The following FER variants were observed in gnomAD, a reference collection of about 807,000 sequenced individuals.
FER encodes FER tyrosine kinase, also known as tyrosine-protein kinase Fer.
In FER, 63 loss-of-function variants were observed where a neutral mutation model predicts 111.0. The ratio of observed to expected loss-of-function variants is 0.57; its 90% confidence interval spans 0.46 to 0.70. The LOEUF (loss-of-function observed/expected upper bound fraction) is 0.70. FER is among the 30% of genes least tolerant of loss of function. FER has a pLI of 0.00. For synonymous variants in FER, 327 were observed against 313.9 expected, an observed-to-expected ratio of 1.04 and a Z score of -0.44; for missense variants, 914 against 954.0, an observed-to-expected ratio of 0.96 and a Z score of 0.55.
intron 2 of FER, among the ~76,000 whole-genome samples, chr5:108,770,240 G>A (rs560951550): frequency 6.6e-6 from 1 of 152,132 alleles, no homozygotes; most frequent in African/African-American, 2.4e-5. Context: ...GAGCCACTGC[G>A]CCTGGCCTTG....
At chr5:108,894,798 G>A (rs542291347) in intron 9 of FER, among the ~76,000 whole-genome samples, 1 of 152,134 alleles carries the variant, frequency 6.6e-6, no homozygotes, top group African/African-American at 2.4e-5. Context: ...GCATGTGCAG[G>A]GGATCCCCCT....
intron 10 of FER, among the ~76,000 whole-genome samples, chr5:108,940,168 G>A (rs541974499): frequency 2.0e-5 from 3 of 152,166 alleles, no homozygotes; most frequent in Non-Finnish European, 4.4e-5. Context: ...GAGGAATGTA[G>A]CCTTTAACTG....
At chr5:109,173,781 A>G (rs1163873106) in intron 17 of FER, among the ~76,000 whole-genome samples, 3 of 140,704 alleles carry the variant, frequency 2.1e-5, no homozygotes, top group East Asian at 2.4e-4. Context: ...AGTAACATAC[A>G]TGCATTTTAA....
intron 5 of FER, among the ~76,000 whole-genome samples, chr5:108,852,327 C>A (rs1382669721): frequency 1.3e-5 from 2 of 152,110 alleles, no homozygotes; most frequent in Admixed American, 6.5e-5. Context: ...ATTATGAAAA[C>A]CAGTTTGAAA....
intron 10 of FER, among the ~76,000 whole-genome samples, chr5:108,901,932 C>A (rs1209993393): frequency 6.6e-6 from 1 of 152,156 alleles, no homozygotes; most frequent in African/African-American, 2.4e-5. Flanking sequence ...GCCTGGGTGA[C>A]AGAGTGAGAG....
intron 13 of FER, among the ~76,000 whole-genome samples, chr5:109,030,845 C>CT (rs981689347): frequency 2.6e-5 from 4 of 152,036 alleles, no homozygotes; most frequent in East Asian, 1.9e-4. Flanking sequence ...CAGGATAGGT[C>CT]TTTTTTTTGT....
At chr5:108,935,033 TA>T (rs1276073033) in intron 10 of FER, among the ~76,000 whole-genome samples, 3 of 152,238 alleles carry the variant, frequency 2.0e-5, no homozygotes, top group East Asian at 1.9e-4. Context: ...ATATTACATA[TA>T]GGGGTGATTT....
At chr5:109,103,145 C>T (rs1461089335) in intron 17 of FER, among the ~76,000 whole-genome samples, 5 of 151,998 alleles carry the variant, frequency 3.3e-5, no homozygotes. Flanking sequence ...TTCTAAGTCT[C>T]ATTTTTATAT....
rs77692826 is a variant in FER at position 108,770,375 on chromosome 5, G to A, written c.-60+2137G>A. Among the ~76,000 whole-genome samples, 875 of 152,298 alleles carry A rather than the reference G, an allele frequency of 5.7e-3. 13 individuals carry two copies. Among genetic ancestry groups the A allele is most frequent in the African/African-American group, 0.02 (841 of 41,566 alleles). ...TACTATCCCTTGTGCTCTTTTAAAA[G>A]AGATAATTCTTTTAAGATTTTTGGC... On this transcript the variant is annotated intron_variant, in intron 2 of 19. Transcript: ENST00000281092.
intron 10 of FER, 117 bp downstream of exon 10, chr5:108,897,965 C>G: frequency 1.1e-6 from 1 of 951,290 alleles, no homozygotes; most frequent in East Asian, 2.9e-5. Flanking sequence ...ATATGCAGGT[C>G]CTATTAAACT....
chr5:109,022,451 C>G (rs1268521421), intron 13 of FER, among the ~76,000 whole-genome samples: 1 of 152,040 alleles, frequency 6.6e-6, no homozygotes, highest in African/African-American at 2.4e-5. Context: ...CTGCCATGTT[C>G]TAGTGCAGAA....
chr5:108,754,101 T>G (rs1750801665), intron 1 of FER, among the ~76,000 whole-genome samples: 2 of 152,102 alleles, frequency 1.3e-5, no homozygotes, highest in South Asian at 2.1e-4. Flanking sequence ...TCTGATTTAT[T>G]GGAGAAAGTG....
intron 13 of FER, among the ~76,000 whole-genome samples, chr5:108,994,411 G>T (rs1440796973): frequency 1.3e-5 from 2 of 152,170 alleles, no homozygotes; most frequent in Non-Finnish European, 2.9e-5. Flanking sequence ...TCGAAGATCA[G>T]ATGGTTGTAG....
At chr5:109,080,701 T>G (rs1776887430) in intron 16 of FER, among the ~76,000 whole-genome samples, 1 of 152,078 alleles carries the variant, frequency 6.6e-6, no homozygotes, top group Non-Finnish European at 1.5e-5. Context: ...AAAGTTTAAA[T>G]GATAGGAGCA....
At chr5:108,997,747 G>C (rs1053958883) in intron 13 of FER, among the ~76,000 whole-genome samples, 1 of 152,074 alleles carries the variant, frequency 6.6e-6, no homozygotes, top group Non-Finnish European at 1.5e-5. Flanking sequence ...TCTTTCCCCA[G>C]GTGCTCTGTT....
chr5:108,758,458 A>T (rs1480005538), intron 1 of FER, among the ~76,000 whole-genome samples: 1 of 152,236 alleles, frequency 6.6e-6, no homozygotes, highest in South Asian at 2.1e-4. Context: ...CTCTGCTCAT[A>T]CTTAGGGCAC....
chr5:108,868,818 G>A (rs1764328903), intron 6 of FER, among the ~76,000 whole-genome samples: 1 of 152,040 alleles, frequency 6.6e-6, no homozygotes, highest in South Asian at 2.1e-4. Flanking sequence ...TAATTTATCT[G>A]TAATTACATA....
intron 17 of FER, among the ~76,000 whole-genome samples, chr5:109,168,023 A>T (rs765667974): frequency 8.0e-6 from 1 of 124,698 alleles, no homozygotes; most frequent in Non-Finnish European, 1.7e-5. Context: ...CAAATGCCTG[A>T]AAGAGTGAAC....
At chr5:108,992,142 A>G (rs1362901759) in intron 13 of FER, among the ~76,000 whole-genome samples, 1 of 152,138 alleles carries the variant, frequency 6.6e-6, no homozygotes, top group African/African-American at 2.4e-5. Flanking sequence ...CCCTTAATCC[A>G]TTTAACCCTG....
Sources: gnomAD v4.1 joint callset for allele counts (sites outside exome capture counted in the v4.1 genomes callset) on GRCh38, gnomAD v4.1.1 for gene constraint, MANE v1.5 for transcripts, NCBI Gene and HGNC (gene_info 2026-07-23, HGNC 2026-07-21) for gene names.